OR8D1: variants seen among roughly 807,000 people sequenced by gnomAD.
The protein encoded by OR8D1 is olfactory receptor 8D1.
For synonymous variants in OR8D1, 143 were observed against 147.0 expected (o/e 0.97, Z 0.20); for missense variants, 384 against 366.8 (o/e 1.05, Z -0.38).
rs1185213635 is a variant in OR8D1, at chr11:124,303,357, G to A, written c.*6483C>T. On this transcript the variant is annotated 3_prime_UTR_variant, in exon 3 of 3. Transcript: ENST00000641015. ...CAGGTCCCTCTGTCGACACGTGGAT[G>A]TGGACACAGGGCTAAACCATATGAG... The A allele has an allele frequency of 2.6e-5, 4 of 152,052 alleles. No homozygotes were observed. Among genetic ancestry groups the A allele is most frequent in the African/African-American group, 9.7e-5 (4 of 41,418 alleles). 9.4% of individuals were successfully genotyped at this position (152,052 alleles called of 1,614,324 possible). A position where few individuals can be genotyped will look rare whatever the true frequency, so the allele number is the denominator to read the frequency against.
chr11:124,311,269 G>A (rs1222101052), intron 2 of OR8D1, among the ~76,000 whole-genome samples: 1 of 152,080 alleles, frequency 6.6e-6, no homozygotes, highest in Non-Finnish European at 1.5e-5. Flanking sequence ...GCATGGGGTT[G>A]GGTGTAAGGC....
Position 124,307,636 on chromosome 11 carries a change from G to A in OR8D1, c.*2204C>T, listed in dbSNP as rs574961279. On this transcript the variant is annotated 3_prime_UTR_variant, in exon 3 of 3. Coordinates refer to ENST00000641015, the MANE Select transcript of OR8D1 (RefSeq NM_001002917.2). ...CACTTAAGAATCAGAAAATATTGGT[G>A]CAGCTTAAAATTGAACACAAAGGGG... 2.0e-5 allele frequency: 3 copies of A among 152,062 alleles called. No homozygotes were observed. The highest frequency in any genetic ancestry group is 4.4e-5 in the Non-Finnish European group (3 of 68,016). The allele number at this position is 152,062 out of a possible 1,614,324, so 9.4% of individuals were successfully genotyped here. A position where few individuals can be genotyped will look rare whatever the true frequency, so the allele number is the denominator to read the frequency against.
rs1862337614 is a variant in OR8D1 at position 124,303,035 on chromosome 11, T to C, written c.*6805A>G. On this transcript the variant is annotated 3_prime_UTR_variant, in exon 3 of 3. Coordinates refer to ENST00000641015, the MANE Select transcript of OR8D1 (RefSeq NM_001002917.2). ...TACAGACAGTTCAGAAATGAGTCTGTATTAATCCGTTTTCACATTGCTATA... is the reference window on the plus strand; with the variant it reads ...TACAGACAGTTCAGAAATGAGTCTGCATTAATCCGTTTTCACATTGCTATA... 1 of 152,086 alleles carries C rather than the reference T, an allele frequency of 6.6e-6. No individual in the cohort carries two copies. The allele number at this position is 152,086 out of a possible 1,614,324, so 9.4% of individuals were successfully genotyped here.
At position 124,310,426 on chromosome 11, in the gene OR8D1, A is replaced by T; in HGVS notation, c.341T>A (p.Leu114His). The change falls in exon 3 of 3, where the codon CTC (leucine) becomes CAC (histidine). Residue 114 changes from leucine to histidine, a missense_variant. By Grantham distance (99) the Leu-to-His change is moderately conservative. Coordinates refer to ENST00000641015, the MANE Select transcript of OR8D1 (RefSeq NM_001002917.2). ...FVVFVVAEGY[L>H]LTAMAYDRYV... is the part of the protein sequence containing the mutation. ...GCGATCATATGCCATGGCAGTCAGG[A>T]GGTAACCCTCAGCCACCACAAAGAC... 6.2e-7 allele frequency: 1 copy of T among 1,613,538 alleles called. No homozygotes were observed. Among genetic ancestry groups the T allele is most frequent in the South Asian group, 1.1e-5 (1 of 91,052 alleles).
rs1007364111 is a variant in OR8D1 at position 124,307,336 on chromosome 11, G to C, written c.*2504C>G. 14 of 151,848 alleles carry C rather than the reference G, an allele frequency of 9.2e-5. No individual in the cohort carries two copies. The highest frequency in any genetic ancestry group is 2.9e-4 in the African/African-American group (12 of 41,430). 9.4% of individuals were successfully genotyped at this position (151,848 alleles called of 1,614,324 possible). On this transcript the variant is annotated 3_prime_UTR_variant, in exon 3 of 3. Coordinates refer to ENST00000641015, the MANE Select transcript of OR8D1 (RefSeq NM_001002917.2). The stretch of plus-strand genomic sequence containing the variant: ...ACTGTAGTGATCCCAGCAGGCAGCT[G>C]TGGTTCCTGACCTCTGACAATGTAA...
At position 124,303,284 on chromosome 11, in the gene OR8D1, A is replaced by T. The variant is rs1862340358; in HGVS notation, c.*6556T>A. ...CTATTACAAGAACAGCATGGAGGAA[A>T]CTGCCCCCATAATCCAACCACCTCC... On this transcript the variant is annotated 3_prime_UTR_variant, in exon 3 of 3. Coordinates refer to ENST00000641015, the MANE Select transcript of OR8D1 (RefSeq NM_001002917.2). The T allele has an allele frequency of 1.3e-5, 2 of 152,038 alleles. No individual in the cohort carries two copies. The highest frequency in any genetic ancestry group is 1.3e-4 in the Admixed American group (2 of 15,216). 9.4% of individuals were successfully genotyped at this position (152,038 alleles called of 1,614,324 possible). A position where few individuals can be genotyped will look rare whatever the true frequency, so the allele number is the denominator to read the frequency against.
rs1862373277 is a variant in OR8D1 at position 124,306,879 on chromosome 11, C to T, written c.*2961G>A. 1 of 152,044 alleles carries T rather than the reference C, an allele frequency of 6.6e-6. No homozygotes were observed. Among genetic ancestry groups the T allele is most frequent in the South Asian group, 2.1e-4 (1 of 4,832 alleles). 9.4% of individuals were successfully genotyped at this position (152,044 alleles called of 1,614,324 possible). On this transcript the variant is annotated 3_prime_UTR_variant, in exon 3 of 3. Transcript: ENST00000641015. ...GTTTCACACCTTTACTCACTTTCCC[C>T]AGGAAGGTGGGATGACTTTTCTGAT...
At chr11:124,313,342 G>A (rs1862440032) in intron 1 of OR8D1, among the ~76,000 whole-genome samples, 1 of 151,890 alleles carries the variant, frequency 6.6e-6, no homozygotes, top group South Asian at 2.1e-4. Context: ...GAAAGAAAAA[G>A]AGGAAAGAAA....
chr11:124,310,303 G>C lies in OR8D1; in HGVS notation c.464C>G (p.Ser155Cys). The C allele has an allele frequency of 3.7e-6, 6 of 1,613,782 alleles. No homozygotes were observed. Among genetic ancestry groups the C allele is most frequent in the African/African-American group, 1.3e-5 (1 of 75,020 alleles). Residue 155 changes from serine (S) to cysteine (C), a missense_variant, in exon 3 of 3, where the codon TCT (serine) becomes TGT (cysteine). By Grantham distance (112) the Ser-to-Cys change is moderately radical (BLOSUM62 -1). Transcript: ENST00000641015. Reference protein sequence around the residue: ...VLAAFFLGFLSALTHTSAMMK... With the variant: ...VLAAFFLGFLCALTHTSAMMK... ...CATGGCACTTGTATGAGTCAAGGCA[G>C]AGAGAAAGCCCAAGAAGAAGGCAGC... is the stretch of plus-strand genomic sequence containing the variant.
At position 124,307,814 on chromosome 11, in the gene OR8D1, G is replaced by C; in HGVS notation, c.*2026C>G. ...CTTGAGGGTTAACTCTCACCAAATG[G>C]TCTCAAGCTCTCCCTGGATTTGTTA... On this transcript the variant is annotated 3_prime_UTR_variant, in exon 3 of 3. Transcript: ENST00000641015. 6.6e-6 allele frequency: 1 copy of C among 152,052 alleles called. No homozygotes were observed. The highest frequency in any genetic ancestry group is 1.9e-4 in the East Asian group (1 of 5,176). The allele number at this position is 152,052 out of a possible 1,614,324, so 9.4% of individuals were successfully genotyped here.
intron 1 of OR8D1, among the ~76,000 whole-genome samples, chr11:124,312,518 C>CT (rs201492454): frequency 0.14 from 18,007 of 132,696 alleles, 2,462 homozygotes; most frequent in African/African-American, 0.35. Flanking sequence ...TTCTTTCTTT[C>CT]TTTTTTTTTT....
chr11:124,312,369 T>G (rs1862429260), intron 1 of OR8D1, among the ~76,000 whole-genome samples: 1 of 152,028 alleles, frequency 6.6e-6, no homozygotes, highest in East Asian at 1.9e-4. Flanking sequence ...TGTTTGGCCT[T>G]TTTTGAAGGA....
At position 124,310,574 on chromosome 11, in the gene OR8D1, T is replaced by C. The variant is rs762750624; in HGVS notation, c.193A>G (p.Ser65Gly). ...TAGCAGAAATCGACGAAGGACAAGC[T>C]GCTGAGGAAATAGTACATGGGGGTG... ...LHTPMYYFLS[S>G]LSFVDFCYSS... The change falls in exon 3 of 3, where the codon AGC (serine) becomes GGC (glycine). Residue 65 changes from serine to glycine, a missense_variant. Physicochemically the swap from Ser to Gly is moderately conservative, Grantham distance 56. Coordinates refer to ENST00000641015, the MANE Select transcript of OR8D1 (RefSeq NM_001002917.2). 4.3e-6 allele frequency: 7 copies of C among 1,613,912 alleles called. No homozygotes were observed. The South Asian group carries it at 7.7e-5, about 18-fold the overall frequency.
intron 1 of OR8D1, among the ~76,000 whole-genome samples, chr11:124,313,409 A>G (rs1862440833): frequency 6.6e-6 from 1 of 152,172 alleles, no homozygotes; most frequent in African/African-American, 2.4e-5. Flanking sequence ...GACAAGTAAC[A>G]CTAATAAATA....
In OR8D1 at chr11:124,309,042, G is replaced by T. The variant is rs1202465348; in HGVS notation, c.*798C>A. The T allele has an allele frequency of 6.6e-6, 1 of 152,122 alleles. No homozygotes were observed. The highest frequency in any genetic ancestry group is 1.9e-4 in the East Asian group (1 of 5,162). The allele number at this position is 152,122 out of a possible 1,614,324, so 9.4% of individuals were successfully genotyped here. A position where few individuals can be genotyped will look rare whatever the true frequency, so the allele number is the denominator to read the frequency against. On this transcript the variant is annotated 3_prime_UTR_variant, in exon 3 of 3. Transcript: ENST00000641015. Reference sequence around the variant, plus strand: ...GACCACAGCTTCAGTTCAGGAATCTGCAGAGGACAGTTCTCCAACTGAAAC... The same window carrying T: ...GACCACAGCTTCAGTTCAGGAATCTTCAGAGGACAGTTCTCCAACTGAAAC...
In OR8D1 at chr11:124,311,602, G is replaced by A. The variant is rs1462265478; in HGVS notation, c.-47C>T. On this transcript the variant is annotated 5_prime_UTR_variant, in exon 2 of 3. Transcript: ENST00000641015. The stretch of plus-strand genomic sequence containing the variant: ...GGTGGCAGGAAAAGGTGCTTCTGAA[G>A]GTGTCTGAGAAGAATGTTGCTATGG... 1.3e-5 allele frequency: 2 copies of A among 152,224 alleles called. No homozygotes were observed. Among genetic ancestry groups the A allele is most frequent in the African/African-American group, 4.8e-5 (2 of 41,432 alleles). The allele number at this position is 152,224 out of a possible 1,614,324, so 9.4% of individuals were successfully genotyped here.
rs1862346606 is a variant in OR8D1 at position 124,304,086 on chromosome 11, A to G, written c.*5754T>C. 6.6e-6 allele frequency: 1 copy of G among 152,112 alleles called. No homozygotes were observed. The highest frequency in any genetic ancestry group is 1.5e-5 in the Non-Finnish European group (1 of 67,930). 9.4% of individuals were successfully genotyped at this position (152,112 alleles called of 1,614,324 possible). A position where few individuals can be genotyped will look rare whatever the true frequency, so the allele number is the denominator to read the frequency against. Reference sequence around the variant, plus strand: ...ACAATGGAATCCTTATGGTCTGTGAACTCTAAACTATTTGTTATCTGGTTT... The same window carrying G: ...ACAATGGAATCCTTATGGTCTGTGAGCTCTAAACTATTTGTTATCTGGTTT... On this transcript the variant is annotated 3_prime_UTR_variant, in exon 3 of 3. Coordinates refer to ENST00000641015, the MANE Select transcript of OR8D1 (RefSeq NM_001002917.2).
intron 1 of OR8D1, among the ~76,000 whole-genome samples, chr11:124,312,132 A>G (rs1203339666): frequency 2.0e-5 from 3 of 152,212 alleles, no homozygotes; most frequent in Non-Finnish European, 4.4e-5. Flanking sequence ...ACACTTGTCA[A>G]CATTTCATGT....
At position 124,305,994 on chromosome 11, in the gene OR8D1, AC is replaced by A. The variant is rs1260644230; in HGVS notation, c.*3845del. The A allele has an allele frequency of 1.3e-5, 2 of 151,890 alleles. No individual in the cohort carries two copies. The highest frequency in any genetic ancestry group is 2.9e-5 in the Non-Finnish European group (2 of 67,868). The allele number at this position is 151,890 out of a possible 1,614,324, so 9.4% of individuals were successfully genotyped here. ...TATTTCACAAAATTATTTTAATGAT[AC>A]CATATTTATTCTACTGGATATCTGA... On this transcript the variant is annotated 3_prime_UTR_variant, in exon 3 of 3. Coordinates refer to ENST00000641015, the MANE Select transcript of OR8D1 (RefSeq NM_001002917.2).
Sources: gnomAD v4.1 joint callset for allele counts (sites outside exome capture counted in the v4.1 genomes callset) on GRCh38, gnomAD v4.1.1 for gene constraint, MANE v1.5 for transcripts, NCBI Gene and HGNC (gene_info 2026-07-23, HGNC 2026-07-21) for gene names.